The following ACTL8 variants were observed in gnomAD, a reference collection of about 807,000 sequenced individuals.
The protein encoded by ACTL8 is actin-like protein 8.
A neutral mutation model predicts 9.3 loss-of-function variants in ACTL8; 3 were observed. That is an observed-to-expected ratio of 0.32 (90% CI 0.15 to 0.83). The LOEUF is 0.83. ACTL8 is among the 40% of genes least tolerant of loss of function. ACTL8 has a pLI of 0.57. For missense variants in ACTL8, 381 were observed against 492.2 expected (o/e 0.77, Z 2.14); for synonymous variants, 224 against 205.9 (o/e 1.09, Z -0.75).
chr1:17,785,892 C>G (rs1050543128), intron 1 of ACTL8, among the ~76,000 whole-genome samples: 1 of 152,178 alleles, frequency 6.6e-6, no homozygotes, highest in Admixed American at 6.5e-5. Context: ...TTGGATCTCA[C>G]AAGGCCACAG....
chr1:17,786,780 G>C (rs2066200769), intron 1 of ACTL8, among the ~76,000 whole-genome samples: 1 of 152,128 alleles, frequency 6.6e-6, no homozygotes, highest in Admixed American at 6.5e-5. Flanking sequence ...GCTCAGCACA[G>C]CCTCGAGCTC....
chr1:17,810,624 G>T (rs906903404), intron 1 of ACTL8, among the ~76,000 whole-genome samples: 10 of 152,272 alleles, frequency 6.6e-5, no homozygotes, highest in Non-Finnish European at 1.0e-4. Flanking sequence ...TGGCAATCAA[G>T]ATATGAGACA....
intron 1 of ACTL8, among the ~76,000 whole-genome samples, chr1:17,782,516 GA>G (rs1292692529): frequency 6.6e-6 from 1 of 152,174 alleles, no homozygotes; most frequent in Non-Finnish European, 1.5e-5. Context: ...CTGGGTATAT[GA>G]CCTTCTGAAC....
chr1:17,758,053 CAG>C (rs2065979088), intron 1 of ACTL8, among the ~76,000 whole-genome samples: 1 of 152,244 alleles, frequency 6.6e-6, no homozygotes, highest in South Asian at 2.1e-4. Context: ...GACCCAAAGA[CAG>C]AGACATAGAG....
At chr1:17,784,711 T>A (rs567645467) in intron 1 of ACTL8, among the ~76,000 whole-genome samples, 3 of 152,304 alleles carry the variant, frequency 2.0e-5, no homozygotes, top group African/African-American at 7.2e-5. Flanking sequence ...GCACCACGCT[T>A]CTTCCCGTTT....
intron 1 of ACTL8, among the ~76,000 whole-genome samples, chr1:17,819,715 G>A (rs745525954): frequency 1.3e-5 from 2 of 152,158 alleles, no homozygotes; most frequent in African/African-American, 2.4e-5. Flanking sequence ...TCCCACACCC[G>A]CTGGATTTTT....
intron 1 of ACTL8, among the ~76,000 whole-genome samples, chr1:17,804,021 C>A (rs900619316): frequency 6.6e-6 from 1 of 152,184 alleles, no homozygotes; most frequent in African/African-American, 2.4e-5. Flanking sequence ...ACGAATCTAA[C>A]CTACCCAAAC....
chr1:17,815,660 T>A (rs1196075313), intron 1 of ACTL8, among the ~76,000 whole-genome samples: 1 of 152,212 alleles, frequency 6.6e-6, no homozygotes, highest in Admixed American at 6.5e-5. Context: ...TGAATTTATT[T>A]TCTATGGGGT....
At chr1:17,799,407 TG>T (rs1294754082) in intron 1 of ACTL8, among the ~76,000 whole-genome samples, 1 of 152,228 alleles carries the variant, frequency 6.6e-6, no homozygotes, top group Non-Finnish European at 1.5e-5. Context: ...TTTGGATTGC[TG>T]GTGTCTGAAT....
At chr1:17,761,759 C>CG (rs1457225691) in intron 1 of ACTL8, among the ~76,000 whole-genome samples, 2 of 152,044 alleles carry the variant, frequency 1.3e-5, no homozygotes, top group Admixed American at 6.6e-5. Flanking sequence ...TTAGTAGAGA[C>CG]GGGGTTTCAC....
chr1:17,812,229 T>G lies in ACTL8; in HGVS notation c.-24-10756T>G, dbSNP rs571715326. Among the ~76,000 whole-genome samples, 6 of 152,212 alleles carry G rather than the reference T, an allele frequency of 3.9e-5. No individual in the cohort carries two copies. In the East Asian group the frequency reaches 1.2e-3, roughly 29 times the overall value. On this transcript the variant is annotated intron_variant, in intron 1 of 2. Coordinates refer to ENST00000375406, the MANE Select transcript of ACTL8 (RefSeq NM_030812.3). ...TGTGAGTCTTCCAACTTTGTTCTTT[T>G]AGAAATTGTTTTGGCTATTCTGATT...
chr1:17,785,018 T>A (rs966307413), intron 1 of ACTL8, among the ~76,000 whole-genome samples: 4 of 152,192 alleles, frequency 2.6e-5, no homozygotes, highest in Admixed American at 6.5e-5. Flanking sequence ...AACTCCTCTT[T>A]CTAAAGCTGT....
In ACTL8 at chr1:17,796,997, G is replaced by A. The variant is rs183671732; in HGVS notation, c.-24-25988G>A. On this transcript the variant is annotated intron_variant, in intron 1 of 2. Transcript: ENST00000375406. Reference sequence around the variant, plus strand: ...GGGACACGCTGCTCAAGTATGGCTCGTACAGGGCCTTCCCTAGGGGTGGTA... The same window carrying A: ...GGGACACGCTGCTCAAGTATGGCTCATACAGGGCCTTCCCTAGGGGTGGTA... Among the ~76,000 whole-genome samples, 679 of 152,144 alleles carry A rather than the reference G, an allele frequency of 4.5e-3. 3 individuals are homozygous for A. The highest frequency in any genetic ancestry group is 0.017 in the Middle Eastern group (5 of 294).
chr1:17,813,889 G>A (rs1443047906), intron 1 of ACTL8, among the ~76,000 whole-genome samples: 1 of 152,168 alleles, frequency 6.6e-6, no homozygotes, highest in Non-Finnish European at 1.5e-5. Flanking sequence ...AATTGTCAAA[G>A]TGTCAGGTAG....
intron 1 of ACTL8, among the ~76,000 whole-genome samples, chr1:17,765,123 T>G (rs972555176): frequency 6.6e-6 from 1 of 152,146 alleles, no homozygotes; most frequent in African/African-American, 2.4e-5. Flanking sequence ...GACGCTTCCT[T>G]CTTTGAGATG....
At chr1:17,815,140 A>G (rs1002660529) in intron 1 of ACTL8, among the ~76,000 whole-genome samples, 1 of 152,258 alleles carries the variant, frequency 6.6e-6, no homozygotes, top group African/African-American at 2.4e-5. Flanking sequence ...GCAAATGGCT[A>G]TACCATACAA....
At chr1:17,812,596 AT>A (rs34761963) in intron 1 of ACTL8, among the ~76,000 whole-genome samples, 59,651 of 136,186 alleles carry the variant, frequency 0.44, 13,908 homozygotes, top group East Asian at 0.68. Flanking sequence ...CGCCCTGTCA[AT>A]TTTTTTTTTT....
chr1:17,779,803 A>G (rs2066142634), intron 1 of ACTL8, among the ~76,000 whole-genome samples: 2 of 152,212 alleles, frequency 1.3e-5, no homozygotes. Flanking sequence ...TTTATAGGCT[A>G]AAATGTCTCA....
chr1:17,815,333 T>C (rs1449361853), intron 1 of ACTL8, among the ~76,000 whole-genome samples: 5 of 152,266 alleles, frequency 3.3e-5, no homozygotes, highest in African/African-American at 1.2e-4. Context: ...AGCATTTCTT[T>C]TTAAAGCAGT....
Sources: allele counts gnomAD v4.1 joint callset (sites outside exome capture counted in the v4.1 genomes callset), GRCh38; gene constraint gnomAD v4.1.1; transcripts MANE v1.5; gene names NCBI Gene and HGNC (gene_info 2026-07-23, HGNC 2026-07-21).